Variants in GNA14 observed in about 807,000 individuals in gnomAD.
GNA14 encodes G protein subunit alpha 14.
GNA14 carries 50 observed loss-of-function variants against 42.0 expected under a neutral mutation model. The observed-to-expected ratio is 1.19, with a 90% confidence interval of 0.95 to 1.51. The LOEUF (loss-of-function observed/expected upper bound fraction) is 1.51, where lower values mean the gene tolerates loss of function less well. Among genes scored for constraint, GNA14 ranks in the 40% most tolerant of loss-of-function variants. The pLI is 0.00. For missense variants in GNA14, 473 were observed against 446.2 expected (o/e 1.06, Z -0.54); for synonymous variants, 173 against 163.1 (o/e 1.06, Z -0.46).
intron 1 of GNA14, among the ~76,000 whole-genome samples, chr9:77,631,955 C>T (rs1299783651): frequency 2.0e-5 from 3 of 152,078 alleles, no homozygotes; most frequent in Non-Finnish European, 2.9e-5. Flanking sequence ...CTGCAGCAGC[C>T]GCCCAAACTG....
intron 1 of GNA14, among the ~76,000 whole-genome samples, chr9:77,634,555 C>T (rs1015710171): frequency 2.0e-5 from 3 of 151,620 alleles, no homozygotes; most frequent in African/African-American, 7.3e-5. Context: ...AGGCAGAATA[C>T]GAGAAGTATT....
rs1459152545 is a variant in GNA14, at chr9:77,518,415, A to G, written c.309+10654T>C. 2.6e-5 allele frequency among the ~76,000 whole-genome samples: 4 copies of G among 152,090 alleles called. No individual in the cohort carries two copies. In the East Asian group the frequency reaches 5.8e-4, roughly 22 times the overall value. The stretch of plus-strand genomic sequence containing the variant: ...CAAAGCAAAGGCAAGTCTCTACACA[A>G]CTTACCTGGGAAGACATTCTAGATC... On this transcript the variant is annotated intron_variant, in intron 2 of 6. Transcript: ENST00000341700.
At chr9:77,512,963 T>G (rs1837193883) in intron 2 of GNA14, among the ~76,000 whole-genome samples, 1 of 152,224 alleles carries the variant, frequency 6.6e-6, no homozygotes, top group South Asian at 2.1e-4. Context: ...TGCAACTATT[T>G]CAAATCCACT....
rs1378136415 is a variant in GNA14 at position 77,519,905 on chromosome 9, G to T, written c.309+9164C>A. Among the ~76,000 whole-genome samples, 2 of 152,106 alleles carry T rather than the reference G, an allele frequency of 1.3e-5. 1 individual carries two copies. On this transcript the variant is annotated intron_variant, in intron 2 of 6. Coordinates refer to ENST00000341700, the MANE Select transcript of GNA14 (RefSeq NM_004297.4). ...TATGCCTGTAATCCCAGCTACTCGG[G>T]GGACTGAGGCAGGAGAATCACTTGA... is the stretch of plus-strand genomic sequence containing the variant.
At chr9:77,615,915 A>C (rs1185348033) in intron 1 of GNA14, among the ~76,000 whole-genome samples, 1 of 151,818 alleles carries the variant, frequency 6.6e-6, no homozygotes, top group African/African-American at 2.4e-5. Context: ...AGTCAAAGGG[A>C]AAGAGCAAGA....
chr9:77,551,519 C>CT (rs946171871), intron 1 of GNA14, among the ~76,000 whole-genome samples: 1 of 151,764 alleles, frequency 6.6e-6, no homozygotes, highest in Non-Finnish European at 1.5e-5. Context: ...ACCCACCCCC[C>CT]CTTCAAGTGA....
At chr9:77,646,030 A>G (rs371922600) in intron 1 of GNA14, among the ~76,000 whole-genome samples, 3 of 152,202 alleles carry the variant, frequency 2.0e-5, no homozygotes, top group African/African-American at 7.2e-5. Context: ...AGGTAGCTTT[A>G]TAACAGCCTA....
At chr9:77,640,820 T>C (rs1339940245) in intron 1 of GNA14, among the ~76,000 whole-genome samples, 6 of 139,008 alleles carry the variant, frequency 4.3e-5, no homozygotes, top group South Asian at 4.6e-4. Context: ...TGGGGAAGAA[T>C]TGGTACAAGA....
intron 1 of GNA14, among the ~76,000 whole-genome samples, chr9:77,646,351 G>C (rs1178442721): frequency 6.6e-6 from 1 of 152,132 alleles, no homozygotes; most frequent in African/African-American, 2.4e-5. Context: ...ATTCCATCCA[G>C]GTCTTGGGAG....
At chr9:77,464,460 T>C (rs974467374) in intron 2 of GNA14, among the ~76,000 whole-genome samples, 1 of 152,186 alleles carries the variant, frequency 6.6e-6, no homozygotes, top group African/African-American at 2.4e-5. Flanking sequence ...TTTAAGTATT[T>C]CTTTTTAAGA....
Position 77,573,390 on chromosome 9 carries a change from A to G in GNA14, c.125-44137T>C, listed in dbSNP as rs184440082. Among the ~76,000 whole-genome samples, 98 of 152,286 alleles carry G rather than the reference A, an allele frequency of 6.4e-4. 2 individuals are homozygous for G. The highest frequency in any genetic ancestry group is 3.5e-3 in the Admixed American group (53 of 15,296). Reference sequence around the variant, plus strand: ...CTTGAACCCAGGAGGCGGAGGTTGCAGTGAGCCGAGACTGCACCACTGCAC... The same window carrying G: ...CTTGAACCCAGGAGGCGGAGGTTGCGGTGAGCCGAGACTGCACCACTGCAC... On this transcript the variant is annotated intron_variant, in intron 1 of 6. Coordinates refer to ENST00000341700, the MANE Select transcript of GNA14 (RefSeq NM_004297.4).
intron 2 of GNA14, among the ~76,000 whole-genome samples, chr9:77,494,128 G>A (rs532984561): frequency 6.6e-6 from 1 of 152,106 alleles, no homozygotes; most frequent in Admixed American, 6.5e-5. Context: ...TCACCACGTT[G>A]CCCATGCTGG....
intron 5 of GNA14, among the ~76,000 whole-genome samples, chr9:77,427,384 T>C (rs1276658418): frequency 6.6e-6 from 1 of 152,104 alleles, no homozygotes; most frequent in Non-Finnish European, 1.5e-5. Flanking sequence ...TTTCCGTTCT[T>C]TGCACAATGA....
intron 2 of GNA14, among the ~76,000 whole-genome samples, chr9:77,496,407 C>T (rs892478588): frequency 3.3e-5 from 5 of 152,106 alleles, no homozygotes; most frequent in African/African-American, 1.2e-4. Context: ...CCTACAATGC[C>T]CTGTTTATTC....
intron 2 of GNA14, among the ~76,000 whole-genome samples, chr9:77,479,590 T>C (rs1470195660): frequency 6.6e-6 from 1 of 152,212 alleles, no homozygotes; most frequent in African/African-American, 2.4e-5. Context: ...GGGGATGGCA[T>C]TGAATCTATA....
At chr9:77,537,481 A>C (rs559350937) in intron 1 of GNA14, among the ~76,000 whole-genome samples, 2 of 152,324 alleles carry the variant, frequency 1.3e-5, no homozygotes, top group East Asian at 1.9e-4. Context: ...CCATCTGTCC[A>C]TCAATGGACA....
intron 2 of GNA14, among the ~76,000 whole-genome samples, chr9:77,459,670 A>T (rs1275928169): frequency 6.6e-6 from 1 of 152,116 alleles, no homozygotes; most frequent in Non-Finnish European, 1.5e-5. Flanking sequence ...GCTACTTATA[A>T]GCTATTAGCA....
chr9:77,557,887 T>C (rs1349156305), intron 1 of GNA14, among the ~76,000 whole-genome samples: 1 of 152,158 alleles, frequency 6.6e-6, no homozygotes, highest in East Asian at 1.9e-4. Flanking sequence ...GAGCAGCCCT[T>C]AGGGATTATC....
intron 2 of GNA14, among the ~76,000 whole-genome samples, chr9:77,503,864 T>C (rs781476298): frequency 2.0e-5 from 3 of 152,018 alleles, no homozygotes; most frequent in Non-Finnish European, 4.4e-5. Context: ...ATATTTGTAG[T>C]AGAGATGGGG....
Sources: allele counts gnomAD v4.1 joint callset (sites outside exome capture counted in the v4.1 genomes callset), GRCh38; gene constraint gnomAD v4.1.1; transcripts MANE v1.5; gene names NCBI Gene and HGNC (gene_info 2026-07-23, HGNC 2026-07-21).